The following VWC2 variants were observed in gnomAD, a reference collection of about 807,000 sequenced individuals.
VWC2 encodes the protein von Willebrand factor C domain containing 2, also known as brorin.
Under a neutral mutation model 29.8 loss-of-function variants are expected in VWC2, and 14 were observed. The ratio of observed to expected loss-of-function variants is 0.47; its 90% confidence interval spans 0.31 to 0.74. The LOEUF (loss-of-function observed/expected upper bound fraction) is 0.74. VWC2 is among the 30% of genes least tolerant of loss of function. The pLI is 0.05. For synonymous variants in VWC2, 213 were observed against 199.0 expected, an observed-to-expected ratio of 1.07 and a Z score of -0.59; for missense variants, 457 against 459.8, an observed-to-expected ratio of 0.99 and a Z score of 0.05.
chr7:49,828,908 C>A (rs1207566645), intron 3 of VWC2, among the ~76,000 whole-genome samples: 1 of 152,174 alleles, frequency 6.6e-6, no homozygotes, highest in Non-Finnish European at 1.5e-5. Flanking sequence ...AGCCCGGGTG[C>A]CCCACAGCCC....
intron 3 of VWC2, among the ~76,000 whole-genome samples, chr7:49,895,078 C>T (rs1270208659): frequency 3.3e-5 from 5 of 152,202 alleles, no homozygotes; most frequent in Admixed American, 3.3e-4. Context: ...TTATAAACAT[C>T]AGAAATGTAT....
chr7:49,842,239 A>C (rs1401005289), intron 3 of VWC2, among the ~76,000 whole-genome samples: 3 of 152,202 alleles, frequency 2.0e-5, no homozygotes, highest in Admixed American at 2.0e-4. Flanking sequence ...ATCTTAGTGG[A>C]TATGCATGAA....
chr7:49,815,264 G>A (rs1334264860), intron 3 of VWC2, among the ~76,000 whole-genome samples: 1 of 152,180 alleles, frequency 6.6e-6, no homozygotes, highest in Non-Finnish European at 1.5e-5. Context: ...TATGATAAAA[G>A]TAGTGAGGGA....
intron 3 of VWC2, among the ~76,000 whole-genome samples, chr7:49,859,370 G>T (rs1287418857): frequency 2.6e-5 from 4 of 152,036 alleles, no homozygotes; most frequent in Non-Finnish European, 4.4e-5. Flanking sequence ...TAACAAGGCT[G>T]TTCTCATATA....
At chr7:49,865,791 A>C (rs548413227) in intron 3 of VWC2, among the ~76,000 whole-genome samples, 114 of 152,278 alleles carry the variant, frequency 7.5e-4, no homozygotes, top group African/African-American at 2.6e-3. Context: ...AACTTGCAAG[A>C]TATATCAACC....
At chr7:49,826,929 G>A (rs906209544) in intron 3 of VWC2, among the ~76,000 whole-genome samples, 8 of 151,774 alleles carry the variant, frequency 5.3e-5, no homozygotes, top group Admixed American at 1.3e-4. Flanking sequence ...ATATGAATTC[G>A]GTGTATTTTC....
intron 2 of VWC2, among the ~76,000 whole-genome samples, chr7:49,802,509 G>A (rs748527925): frequency 6.6e-6 from 1 of 152,142 alleles, no homozygotes; most frequent in Non-Finnish European, 1.5e-5. Context: ...ATAGTGGTGG[G>A]TGCCTGTAAT....
chr7:49,829,568 A>G (rs1272406296), intron 3 of VWC2, among the ~76,000 whole-genome samples: 2 of 152,064 alleles, frequency 1.3e-5, no homozygotes, highest in Non-Finnish European at 2.9e-5. Flanking sequence ...TTGGCTGCAG[A>G]CTCATTCCAT....
At chr7:49,874,352 A>T (rs1177624374) in intron 3 of VWC2, among the ~76,000 whole-genome samples, 1 of 152,218 alleles carries the variant, frequency 6.6e-6, no homozygotes, top group Non-Finnish European at 1.5e-5. Flanking sequence ...AGCTGCCTAC[A>T]GTATTCAGTA....
At chr7:49,907,565 A>G (rs574231673) in intron 3 of VWC2, among the ~76,000 whole-genome samples, 375 of 152,346 alleles carry the variant, frequency 2.5e-3, no homozygotes, top group African/African-American at 8.4e-3. Flanking sequence ...GCCAAATATG[A>G]GTAACCATGG....
intron 3 of VWC2, among the ~76,000 whole-genome samples, chr7:49,816,111 T>A (rs1168006072): frequency 1.3e-5 from 2 of 152,140 alleles, no homozygotes; most frequent in Non-Finnish European, 2.9e-5. Context: ...CTAGATTTGT[T>A]ACTTAAGCCT....
At chr7:49,788,921 G>A (rs111065497) in intron 2 of VWC2, among the ~76,000 whole-genome samples, 13,889 of 146,742 alleles carry the variant, frequency 0.095, 2,058 homozygotes, top group African/African-American at 0.31. Context: ...AGTGTGTGTG[G>A]CCTGCATGTG....
chr7:49,781,997 C>T (rs1023582486), intron 2 of VWC2, among the ~76,000 whole-genome samples: 1 of 152,122 alleles, frequency 6.6e-6, no homozygotes, highest in African/African-American at 2.4e-5. Flanking sequence ...CCATGTGGGG[C>T]AACAGGTGGC....
chr7:49,893,087 G>A (rs1348270085), intron 3 of VWC2, among the ~76,000 whole-genome samples: 7 of 152,154 alleles, frequency 4.6e-5, no homozygotes, highest in Non-Finnish European at 8.8e-5. Context: ...CTTTGAGGAG[G>A]ACATATTATT....
At chr7:49,890,862 T>C (rs1216371987) in intron 3 of VWC2, among the ~76,000 whole-genome samples, 1 of 152,074 alleles carries the variant, frequency 6.6e-6, no homozygotes, top group Non-Finnish European at 1.5e-5. Context: ...TTAAGATTTG[T>C]ATTTAAGGAT....
At chr7:49,859,788 GTGCACA>G (rs201846228) in intron 3 of VWC2, among the ~76,000 whole-genome samples, 28,441 of 148,342 alleles carry the variant, frequency 0.19, 3,229 homozygotes, top group East Asian at 0.51. Context: ...GTGCGCGTGC[GTGCACA>G]CACACACACA....
At chr7:49,783,503 A>G (rs1788223776) in intron 2 of VWC2, among the ~76,000 whole-genome samples, 2 of 152,168 alleles carry the variant, frequency 1.3e-5, no homozygotes, top group Non-Finnish European at 2.9e-5. Context: ...AGGCCTACCT[A>G]CCCTGTGACC....
At chr7:49,901,955 G>A (rs1002540247) in intron 3 of VWC2, among the ~76,000 whole-genome samples, 3 of 150,012 alleles carry the variant, frequency 2.0e-5, no homozygotes, top group Non-Finnish European at 4.4e-5. Context: ...TTTTTTCAAC[G>A]AATGGTACTG....
chr7:49,795,835 C>G (rs1583632565), intron 2 of VWC2, among the ~76,000 whole-genome samples: 1 of 152,202 alleles, frequency 6.6e-6, no homozygotes, highest in Non-Finnish European at 1.5e-5. Flanking sequence ...AGAGATGGCT[C>G]TGGCCCTTTA....
Sources: allele counts gnomAD v4.1 joint callset (sites outside exome capture counted in the v4.1 genomes callset), GRCh38; gene constraint gnomAD v4.1.1; transcripts MANE v1.5; gene names NCBI Gene and HGNC (gene_info 2026-07-23, HGNC 2026-07-21).